Variants in CHSY3 observed in about 807,000 individuals in gnomAD.
CHSY3 encodes the protein N-acetylgalactosaminyl-proteoglycan 3-beta-glucuronosyltransferase 3.
CHSY3 carries 35 observed loss-of-function variants against 67.2 expected under a neutral mutation model. That is an observed-to-expected ratio of 0.52 (90% confidence interval 0.40 to 0.69). CHSY3 has a LOEUF of 0.69. Among genes scored for constraint, CHSY3 ranks in the 30% least tolerant of loss-of-function variants. The probability of loss-of-function intolerance (pLI) is 0.00; values close to 1 mark genes in which losing one functional copy is unlikely to be tolerated. For synonymous variants in CHSY3, 474 were observed against 434.7 expected (o/e 1.09, Z -1.12); for missense variants, 1,069 against 1,138.5 (o/e 0.94, Z 0.88).
intron 2 of CHSY3, among the ~76,000 whole-genome samples, chr5:129,973,614 C>G (rs1271859775): frequency 6.6e-6 from 1 of 152,066 alleles, no homozygotes; most frequent in Non-Finnish European, 1.5e-5. Context: ...TTGCAGTAGT[C>G]TATATTGTCA....
chr5:130,136,542 G>A (rs1407299557), intron 2 of CHSY3, among the ~76,000 whole-genome samples: 1 of 152,138 alleles, frequency 6.6e-6, no homozygotes, highest in Non-Finnish European at 1.5e-5. Context: ...CCAGGCATGA[G>A]CTGATGAGAT....
intron 2 of CHSY3, among the ~76,000 whole-genome samples, chr5:130,125,327 G>T (rs920626950): frequency 2.0e-5 from 3 of 152,122 alleles, no homozygotes; most frequent in Admixed American, 1.3e-4. Flanking sequence ...TGAGGTGGGA[G>T]AATTGCTTGA....
rs111517322 is a variant in CHSY3, at chr5:130,163,552, G to GA, written c.1087-20668dup. Among the ~76,000 whole-genome samples, 836 of 150,536 alleles carry GA rather than the reference G, an allele frequency of 5.6e-3. 8 individuals carry two copies. Among genetic ancestry groups the GA allele is most frequent in the African/African-American group, 0.019 (790 of 41,108 alleles). The stretch of plus-strand genomic sequence containing the variant: ...CATTTCTTCTAAATTATTCTCTGAG[G>GA]AAAAAAAAATCTATTTTTCTCGAGA... On this transcript the variant is annotated intron_variant, in intron 2 of 2. Transcript: ENST00000305031.
chr5:129,904,597 C>T lies in CHSY3; in HGVS notation c.-233C>T. The T allele has an allele frequency of 1.7e-6, 1 of 603,962 alleles. No individual in the cohort carries two copies. Among genetic ancestry groups the T allele is most frequent in the Non-Finnish European group, 2.3e-6 (1 of 428,020 alleles). The allele number at this position is 603,962 out of a possible 1,614,324, so 37.4% of individuals were successfully genotyped here. A position where few individuals can be genotyped will look rare whatever the true frequency, so the allele number is the denominator to read the frequency against. On this transcript the variant is annotated 5_prime_UTR_variant, in exon 1 of 3. Coordinates refer to ENST00000305031, the MANE Select transcript of CHSY3 (RefSeq NM_175856.5). ...CCGCCGCCGGGAGAAGTTTCACTCC[C>T]GACCCTTGCTCGGAGCCCCGGCCCA...
intron 2 of CHSY3, among the ~76,000 whole-genome samples, chr5:130,168,407 G>A (rs537165833): frequency 2.6e-5 from 4 of 152,124 alleles, no homozygotes; most frequent in Admixed American, 6.6e-5. Context: ...CATCAATTAC[G>A]AAAATAGTAA....
chr5:130,168,145 T>G (rs987303305), intron 2 of CHSY3, among the ~76,000 whole-genome samples: 3 of 152,182 alleles, frequency 2.0e-5, no homozygotes, highest in Admixed American at 1.3e-4. Flanking sequence ...GCCCTAGTTT[T>G]GTGCTATTTC....
chr5:130,142,915 G>A (rs751653133), intron 2 of CHSY3, among the ~76,000 whole-genome samples: 9 of 152,142 alleles, frequency 5.9e-5, no homozygotes, highest in Admixed American at 1.3e-4. Context: ...AAGGAGGAGC[G>A]AGCCAGAGGA....
At chr5:130,002,046 C>A (rs1763741225) in intron 2 of CHSY3, 1 of 884,844 alleles carries the variant, frequency 1.1e-6, no homozygotes, top group Non-Finnish European at 1.4e-6. Flanking sequence ...TTTTAACTCA[C>A]TACTTTAGCA....
At chr5:129,957,847 C>T (rs1762221486) in intron 2 of CHSY3, among the ~76,000 whole-genome samples, 1 of 151,760 alleles carries the variant, frequency 6.6e-6, no homozygotes, top group Non-Finnish European at 1.5e-5. Context: ...ATCTGGGTTT[C>T]TTTTTTTTCT....
At chr5:129,986,343 T>G (rs554583765) in intron 2 of CHSY3, among the ~76,000 whole-genome samples, 1 of 152,356 alleles carries the variant, frequency 6.6e-6, no homozygotes, top group Non-Finnish European at 1.5e-5. Flanking sequence ...GATTTGCATA[T>G]GTTGAACCAA....
intron 2 of CHSY3, among the ~76,000 whole-genome samples, chr5:129,926,781 TC>T (rs1381556494): frequency 6.6e-6 from 1 of 151,916 alleles, no homozygotes; most frequent in East Asian, 1.9e-4. Context: ...TTGTGTTTTT[TC>T]CATTGGTTAT....
chr5:130,100,168 T>G (rs986577805), intron 2 of CHSY3, among the ~76,000 whole-genome samples: 1 of 152,122 alleles, frequency 6.6e-6, no homozygotes, highest in African/African-American at 2.4e-5. Flanking sequence ...GCTTTCAATG[T>G]ACTCTATTTG....
At chr5:130,165,203 A>G (rs1471922104) in intron 2 of CHSY3, among the ~76,000 whole-genome samples, 3 of 152,154 alleles carry the variant, frequency 2.0e-5, no homozygotes, top group African/African-American at 7.2e-5. Context: ...GAGTGGCCAG[A>G]TGAGATGTAG....
chr5:130,104,370 A>C (rs976939814), intron 2 of CHSY3, among the ~76,000 whole-genome samples: 1 of 151,866 alleles, frequency 6.6e-6, no homozygotes, highest in East Asian at 1.9e-4. Flanking sequence ...ATGAATTAAC[A>C]CCCTTGATCA....
At chr5:129,984,247 T>G (rs1320891920) in intron 2 of CHSY3, among the ~76,000 whole-genome samples, 2 of 152,166 alleles carry the variant, frequency 1.3e-5, no homozygotes, top group Non-Finnish European at 2.9e-5. Context: ...GTACTCAATG[T>G]TTAGCTCACA....
intron 2 of CHSY3, among the ~76,000 whole-genome samples, chr5:130,051,821 C>T (rs78974289): frequency 0.022 from 3,273 of 151,658 alleles, 112 homozygotes; most frequent in African/African-American, 0.073. Context: ...GTAAACCAGA[C>T]GTTAGAATTT....
chr5:130,088,578 T>C (rs1308944319), intron 2 of CHSY3, among the ~76,000 whole-genome samples: 1 of 151,954 alleles, frequency 6.6e-6, no homozygotes, highest in Non-Finnish European at 1.5e-5. Flanking sequence ...AACAGACACT[T>C]CTCAAAAGAA....
At chr5:130,047,973 TGAATGGCTTTACC>T (rs1388262553) in intron 2 of CHSY3, among the ~76,000 whole-genome samples, 1 of 150,240 alleles carries the variant, frequency 6.7e-6, no homozygotes, top group East Asian at 1.9e-4. Context: ...GTAAAAATAA[TGAATGGCTTTACC>T]TATTTTGCAC....
chr5:130,024,967 C>G (rs1476617991), intron 2 of CHSY3, among the ~76,000 whole-genome samples: 1 of 152,056 alleles, frequency 6.6e-6, no homozygotes, highest in South Asian at 2.1e-4. Flanking sequence ...TTTTATTAGT[C>G]TATTTTTATT....
Sources: gnomAD v4.1 joint callset for allele counts (sites outside exome capture counted in the v4.1 genomes callset) on GRCh38, gnomAD v4.1.1 for gene constraint, MANE v1.5 for transcripts, NCBI Gene and HGNC (gene_info 2026-07-23, HGNC 2026-07-21) for gene names.